Variants in LDLRAD4 observed in about 807,000 individuals in gnomAD.
LDLRAD4 encodes the protein low density lipoprotein receptor class A domain containing 4.
A neutral mutation model predicts 17.0 loss-of-function variants in LDLRAD4; 5 were observed. That is an observed-to-expected ratio of 0.29 (90% CI 0.15 to 0.62). The LOEUF is 0.62. Ranked by LOEUF, LDLRAD4 falls within the 20% of genes least tolerant of loss-of-function variation. LDLRAD4 has a pLI of 0.84. For missense variants in LDLRAD4, 340 were observed against 424.7 expected, an observed-to-expected ratio of 0.80 and a Z score of 1.75; for synonymous variants, 168 against 171.8, an observed-to-expected ratio of 0.98 and a Z score of 0.17.
At chr18:13,370,900 G>A (rs1175954473) in intron 1 of LDLRAD4, among the ~76,000 whole-genome samples, 6 of 151,782 alleles carry the variant, frequency 4.0e-5, no homozygotes, top group Admixed American at 3.3e-4. Context: ...TAGTAGAAAC[G>A]GGGTTTCACC....
intron 1 of LDLRAD4, among the ~76,000 whole-genome samples, chr18:13,376,964 G>A (rs1051710049): frequency 1.3e-5 from 2 of 152,168 alleles, no homozygotes; most frequent in Admixed American, 6.5e-5. Flanking sequence ...CCTTCCCCTG[G>A]GTTCTCTGCC....
chr18:13,276,612 C>A (rs2044881900), upstream of LDLRAD4, among the ~76,000 whole-genome samples: 1 of 152,242 alleles, frequency 6.6e-6, no homozygotes, highest in African/African-American at 2.4e-5. Flanking sequence ...GGGCTGCTCT[C>A]AGGTCCTGGG....
Position 13,573,885 on chromosome 18 carries a change from C to T in LDLRAD4, c.182-47232C>T, listed in dbSNP as rs76186822. ...GAGAGGGATTAGAAGCCAGACATTC[C>T]GTGGGTGACGCGCTCCTTCTCCTGT... On this transcript the variant is annotated intron_variant, in intron 3 of 5. Transcript: ENST00000359446. 6.4e-4 allele frequency among the ~76,000 whole-genome samples: 97 copies of T among 152,274 alleles called. No homozygotes were observed. In the East Asian group the frequency reaches 8.1e-3, roughly 13 times the overall value.
intron 1 of LDLRAD4, among the ~76,000 whole-genome samples, chr18:13,353,932 G>A (rs911130070): frequency 1.3e-5 from 2 of 152,156 alleles, no homozygotes; most frequent in African/African-American, 4.8e-5. Flanking sequence ...ATGTTTCTTT[G>A]GGTGAATGAG....
intron 1 of LDLRAD4, among the ~76,000 whole-genome samples, chr18:13,294,821 G>GT (rs1361699369): frequency 7.5e-6 from 1 of 133,656 alleles, no homozygotes; most frequent in Non-Finnish European, 1.6e-5. Context: ...ATGTAAAATA[G>GT]TAAAAAAAAA....
At chr18:13,252,202 G>A (rs1382494229) in intron 1 of LDLRAD4, among the ~76,000 whole-genome samples, 3 of 152,172 alleles carry the variant, frequency 2.0e-5, no homozygotes, top group Non-Finnish European at 2.9e-5. Flanking sequence ...TCGGCTCACT[G>A]CAACCTCCAC....
intron 3 of LDLRAD4, chr18:13,488,083 G>T: frequency 6.6e-6 from 1 of 152,552 alleles, no homozygotes; most frequent in Non-Finnish European, 1.5e-5. Context: ...TGGCCCTTGA[G>T]TTCAGCACCT....
chr18:13,230,938 C>G (rs2042039701), intron 1 of LDLRAD4, among the ~76,000 whole-genome samples: 1 of 152,236 alleles, frequency 6.6e-6, no homozygotes, highest in East Asian at 1.9e-4. Context: ...GATAGGACTG[C>G]TTTATTTGTG....
intron 3 of LDLRAD4, among the ~76,000 whole-genome samples, chr18:13,572,066 G>A (rs897912239): frequency 5.9e-5 from 9 of 152,158 alleles, no homozygotes; most frequent in African/African-American, 1.4e-4. Flanking sequence ...ATTAGAAACT[G>A]TAATTTTAAA....
At chr18:13,482,354 A>T (rs1163742976) in intron 3 of LDLRAD4, among the ~76,000 whole-genome samples, 1 of 152,190 alleles carries the variant, frequency 6.6e-6, no homozygotes, top group Non-Finnish European at 1.5e-5. Flanking sequence ...GGCCCTGCAG[A>T]CCACGCCATG....
At chr18:13,437,235 C>T (rs1463897977) in intron 2 of LDLRAD4, among the ~76,000 whole-genome samples, 2 of 152,238 alleles carry the variant, frequency 1.3e-5, no homozygotes, top group Non-Finnish European at 2.9e-5. Flanking sequence ...CTGTGACAGT[C>T]AGTGGCGGTG....
At chr18:13,360,210 C>G (rs540722538) in intron 1 of LDLRAD4, among the ~76,000 whole-genome samples, 62 of 152,296 alleles carry the variant, frequency 4.1e-4, no homozygotes, top group Admixed American at 1.6e-3. Context: ...TTCCTCTCAT[C>G]ATTGGAGGGA....
At chr18:13,326,391 G>C (rs77881840) in intron 1 of LDLRAD4, among the ~76,000 whole-genome samples, 3 of 152,128 alleles carry the variant, frequency 2.0e-5, no homozygotes. Flanking sequence ...AAAAAAGGGC[G>C]TAAAGGAAGA....
At chr18:13,410,275 G>A (rs1377995445) in intron 2 of LDLRAD4, among the ~76,000 whole-genome samples, 1 of 152,028 alleles carries the variant, frequency 6.6e-6, no homozygotes, top group African/African-American at 2.4e-5. Context: ...CACACCACAG[G>A]CTCCTAGATG....
chr18:13,361,466 T>G (rs185128385), intron 1 of LDLRAD4, among the ~76,000 whole-genome samples: 1 of 152,324 alleles, frequency 6.6e-6, no homozygotes, highest in East Asian at 1.9e-4. Context: ...GCACCTCGCT[T>G]TGTTTGGTGG....
intron 1 of LDLRAD4, among the ~76,000 whole-genome samples, chr18:13,347,514 T>G (rs1401405640): frequency 6.6e-6 from 1 of 152,222 alleles, no homozygotes; most frequent in Non-Finnish European, 1.5e-5. Context: ...ATTTTTTCCT[T>G]CATTTCAACT....
intron 3 of LDLRAD4, among the ~76,000 whole-genome samples, chr18:13,469,782 T>G (rs2092718758): frequency 6.6e-6 from 1 of 152,116 alleles, no homozygotes; most frequent in Admixed American, 6.6e-5. Flanking sequence ...GGGAAGAGAT[T>G]TGGAAATGGA....
chr18:13,312,745 A>G (rs2047308763), intron 1 of LDLRAD4, among the ~76,000 whole-genome samples: 1 of 152,182 alleles, frequency 6.6e-6, no homozygotes, highest in African/African-American at 2.4e-5. Flanking sequence ...CTGTCTATAA[A>G]AAAAAGGAAA....
At chr18:13,334,742 C>G (rs2082025188) in intron 1 of LDLRAD4, among the ~76,000 whole-genome samples, 1 of 151,918 alleles carries the variant, frequency 6.6e-6, no homozygotes, top group African/African-American at 2.4e-5. Flanking sequence ...ATCTTGAAAA[C>G]TAGTGGTGAG....
Sources: gnomAD v4.1 joint callset for allele counts (sites outside exome capture counted in the v4.1 genomes callset) on GRCh38, gnomAD v4.1.1 for gene constraint, MANE v1.5 for transcripts, NCBI Gene and HGNC (gene_info 2026-07-23, HGNC 2026-07-21) for gene names.